Variants in RALYL observed in about 807,000 individuals in gnomAD.
The protein encoded by RALYL is RNA-binding Raly-like protein.
A neutral mutation model predicts 35.1 loss-of-function variants in RALYL; 29 were observed. The ratio of observed to expected loss-of-function variants is 0.83; its 90% CI spans 0.61 to 1.13. The LOEUF is 1.13. Among genes scored for constraint, RALYL ranks in the 50% most tolerant of loss-of-function variants. RALYL has a pLI of 0.00. For synonymous variants in RALYL, 120 were observed against 127.6 expected, an observed-to-expected ratio of 0.94 and a Z score of 0.40; for missense variants, 359 against 360.4, an observed-to-expected ratio of 1.00 and a Z score of 0.03.
chr8:84,693,298 C>T (rs987513243), intron 2 of RALYL, among the ~76,000 whole-genome samples: 1 of 151,766 alleles, frequency 6.6e-6, no homozygotes, highest in Non-Finnish European at 1.5e-5. Flanking sequence ...CTGGGGAGGC[C>T]TCACAAAACT....
chr8:84,402,902 T>C (rs2043063605), intron 1 of RALYL, among the ~76,000 whole-genome samples: 1 of 152,216 alleles, frequency 6.6e-6, no homozygotes, highest in African/African-American at 2.4e-5. Flanking sequence ...TGCATTTCTC[T>C]GATGGCCAGT....
At chr8:84,315,666 A>C (rs987705894) in intron 1 of RALYL, among the ~76,000 whole-genome samples, 1 of 152,124 alleles carries the variant, frequency 6.6e-6, no homozygotes, top group African/African-American at 2.4e-5. Flanking sequence ...TCAGTTAAGT[A>C]GATTTTATAT....
At chr8:84,234,922 G>A (rs1006667716) in intron 1 of RALYL, among the ~76,000 whole-genome samples, 1 of 151,864 alleles carries the variant, frequency 6.6e-6, no homozygotes, top group African/African-American at 2.4e-5. Context: ...GCGCGACCAT[G>A]CCCGGCTAAT....
intron 1 of RALYL, among the ~76,000 whole-genome samples, chr8:84,233,856 T>G (rs1825904873): frequency 6.6e-6 from 1 of 152,222 alleles, no homozygotes; most frequent in African/African-American, 2.4e-5. Flanking sequence ...AATAGCATGT[T>G]TCATCTTAGT....
intron 2 of RALYL, among the ~76,000 whole-genome samples, chr8:84,724,609 T>C (rs144025630): frequency 2.0e-5 from 3 of 151,880 alleles, no homozygotes; most frequent in African/African-American, 7.2e-5. Context: ...AACTTTGTTT[T>C]GACCTCTGCT....
chr8:84,563,709 A>G (rs2061603529), intron 2 of RALYL, among the ~76,000 whole-genome samples: 1 of 151,830 alleles, frequency 6.6e-6, no homozygotes, highest in Non-Finnish European at 1.5e-5. Flanking sequence ...ATGTTTTAAA[A>G]AGATGTCTCC....
chr8:84,766,877 G>A (rs1468672027), intron 2 of RALYL, among the ~76,000 whole-genome samples: 2 of 151,814 alleles, frequency 1.3e-5, no homozygotes, highest in Admixed American at 1.3e-4. Context: ...TAGACTTATT[G>A]AGCATCTATT....
rs544375689 is a variant in RALYL at position 84,474,398 on chromosome 8, G to A, written c.-23-54901G>A. 2.6e-5 allele frequency among the ~76,000 whole-genome samples: 4 copies of A among 152,310 alleles called. No individual in the cohort carries two copies. In the South Asian group the frequency reaches 8.3e-4, roughly 32 times the overall value. On this transcript the variant is annotated intron_variant, in intron 1 of 8. Transcript: ENST00000521268. ...AAAAAGTTACTTTAAATAAAAAGTA[G>A]TAAGAATACTTTAGGGAAAAGTAAA...
At chr8:84,619,896 T>C (rs1279716234) in intron 2 of RALYL, among the ~76,000 whole-genome samples, 12 of 151,210 alleles carry the variant, frequency 7.9e-5, no homozygotes, top group African/African-American at 2.9e-4. Context: ...GAAAATTCTT[T>C]TCTTTAAGAA....
Position 84,715,637 on chromosome 8 carries a change from G to A in RALYL, c.257-58942G>A, listed in dbSNP as rs1047372529. 2.0e-5 allele frequency among the ~76,000 whole-genome samples: 3 copies of A among 151,946 alleles called. No individual in the cohort carries two copies. In the East Asian group the frequency reaches 5.8e-4, roughly 29 times the overall value. On this transcript the variant is annotated intron_variant, in intron 2 of 8. Coordinates refer to ENST00000521268, the MANE Select transcript of RALYL (RefSeq NM_173848.7). ...CTATCTTTTCTGCAAAGGAATGAAA[G>A]GTTTCCAGAACTTAGAATAAGTGAA...
At chr8:84,334,593 T>C (rs1356890640) in intron 1 of RALYL, among the ~76,000 whole-genome samples, 1 of 151,904 alleles carries the variant, frequency 6.6e-6, no homozygotes, top group African/African-American at 2.4e-5. Flanking sequence ...AATTAAACTA[T>C]GTAATTATAA....
chr8:84,302,027 TA>T (rs1348180289), intron 1 of RALYL, among the ~76,000 whole-genome samples: 1 of 152,154 alleles, frequency 6.6e-6, no homozygotes, highest in African/African-American at 2.4e-5. Flanking sequence ...ATCAAGTCTT[TA>T]CAGAATTATC....
At chr8:84,796,928 A>C (rs1822065607) in intron 3 of RALYL, among the ~76,000 whole-genome samples, 1 of 152,196 alleles carries the variant, frequency 6.6e-6, no homozygotes, top group Non-Finnish European at 1.5e-5. Context: ...TCTTAAGAGT[A>C]CAGAACAGTG....
At chr8:84,439,203 C>T (rs1233370764) in intron 1 of RALYL, among the ~76,000 whole-genome samples, 1 of 151,962 alleles carries the variant, frequency 6.6e-6, no homozygotes, top group Non-Finnish European at 1.5e-5. Flanking sequence ...GATATTGATT[C>T]TTCAAATCCA....
intron 2 of RALYL, among the ~76,000 whole-genome samples, chr8:84,582,961 C>A (rs1811174417): frequency 6.6e-6 from 1 of 151,952 alleles, no homozygotes; most frequent in African/African-American, 2.4e-5. Context: ...ATTTAAATTC[C>A]TTTATTCTTA....
intron 1 of RALYL, among the ~76,000 whole-genome samples, chr8:84,246,785 G>C (rs1398274294): frequency 6.6e-6 from 1 of 152,124 alleles, no homozygotes. Flanking sequence ...CCTGGATGTG[G>C]AGGAGGAGAG....
intron 3 of RALYL, among the ~76,000 whole-genome samples, chr8:84,795,233 GTTC>G (rs1051549648): frequency 3.9e-5 from 6 of 152,198 alleles, no homozygotes; most frequent in Non-Finnish European, 1.5e-5. Context: ...TAAATATGAT[GTTC>G]TTCTAATGAT....
chr8:84,773,827 A>G (rs888100741), intron 2 of RALYL, among the ~76,000 whole-genome samples: 1 of 152,200 alleles, frequency 6.6e-6, no homozygotes, highest in Non-Finnish European at 1.5e-5. Context: ...AAGTCCTCCT[A>G]TGAACAGAAC....
At chr8:84,327,323 T>C (rs1176425370) in intron 1 of RALYL, among the ~76,000 whole-genome samples, 1 of 151,830 alleles carries the variant, frequency 6.6e-6, no homozygotes, top group Non-Finnish European at 1.5e-5. Context: ...GAAAACAAGC[T>C]CTATTATGGA....
Sources: allele counts gnomAD v4.1 joint callset (sites outside exome capture counted in the v4.1 genomes callset), GRCh38; gene constraint gnomAD v4.1.1; transcripts MANE v1.5; gene names NCBI Gene and HGNC (gene_info 2026-07-23, HGNC 2026-07-21).